Variants in TCERG1L observed in about 807,000 individuals in gnomAD.
TCERG1L encodes the protein transcription elongation regulator 1 like, also known as transcription elongation regulator 1-like protein.
TCERG1L carries 37 observed loss-of-function variants against 56.3 expected under a neutral mutation model. The observed-to-expected ratio is 0.66, with a 90% CI of 0.51 to 0.87. TCERG1L has a LOEUF of 0.87. TCERG1L is among the 40% of genes least tolerant of loss of function. The pLI is 0.00. For synonymous variants in TCERG1L, 324 were observed against 326.3 expected, an observed-to-expected ratio of 0.99 and a Z score of 0.08; for missense variants, 799 against 774.2, an observed-to-expected ratio of 1.03 and a Z score of -0.38.
chr10:131,153,885 T>C (rs1352021187), intron 6 of TCERG1L, among the ~76,000 whole-genome samples: 1 of 152,156 alleles, frequency 6.6e-6, no homozygotes, highest in Non-Finnish European at 1.5e-5. Context: ...GCCCAGCTCC[T>C]GAGCCCTGGG....
chr10:131,135,797 T>C (rs1845669963), intron 7 of TCERG1L, among the ~76,000 whole-genome samples: 1 of 152,234 alleles, frequency 6.6e-6, no homozygotes, highest in African/African-American at 2.4e-5. Flanking sequence ...GCACACCCTG[T>C]GTGGGTGCTC....
At chr10:131,149,536 T>C (rs1384110454) in intron 6 of TCERG1L, among the ~76,000 whole-genome samples, 1 of 152,238 alleles carries the variant, frequency 6.6e-6, no homozygotes, top group East Asian at 1.9e-4. Context: ...ATATGAACTC[T>C]GCAGACAGCA....
intron 4 of TCERG1L, among the ~76,000 whole-genome samples, chr10:131,227,752 A>C (rs1156881993): frequency 2.0e-5 from 3 of 147,576 alleles, no homozygotes; most frequent in Admixed American, 6.8e-5. Flanking sequence ...TCTTGATTAC[A>C]AAACTGATCA....
chr10:131,264,426 G>A (rs1846265564), intron 3 of TCERG1L, among the ~76,000 whole-genome samples: 1 of 152,210 alleles, frequency 6.6e-6, no homozygotes, highest in Admixed American at 6.5e-5. Flanking sequence ...CAGATACAGA[G>A]AAGCCATACA....
chr10:131,117,046 T>A (rs1482968914), intron 8 of TCERG1L, 112 bp from the exon 9 acceptor site: 3 of 1,357,382 alleles, frequency 2.2e-6, no homozygotes, highest in Non-Finnish European at 2.9e-6. Flanking sequence ...ACAGTCTCCT[T>A]GACAACTCTT....
At chr10:131,106,913 T>C (rs1244834993) in intron 9 of TCERG1L, among the ~76,000 whole-genome samples, 1 of 152,196 alleles carries the variant, frequency 6.6e-6, no homozygotes, top group Non-Finnish European at 1.5e-5. Flanking sequence ...CGAGCTCTTT[T>C]ATTGGGTGGG....
chr10:131,136,343 G>GT (rs1344268265), intron 7 of TCERG1L, among the ~76,000 whole-genome samples: 5 of 151,528 alleles, frequency 3.3e-5, no homozygotes, highest in Non-Finnish European at 5.9e-5. Context: ...GGCATTTCTG[G>GT]TTTTTTTTGA....
intron 8 of TCERG1L, among the ~76,000 whole-genome samples, chr10:131,133,068 C>T (rs11017741): frequency 0.27 from 41,162 of 152,086 alleles, 6,591 homozygotes; most frequent in Non-Finnish European, 0.36. Flanking sequence ...TGCCTATTAT[C>T]GAACCACTCA....
At chr10:131,269,258 C>T (rs538645034) in intron 3 of TCERG1L, among the ~76,000 whole-genome samples, 30 of 152,296 alleles carry the variant, frequency 2.0e-4, no homozygotes, top group African/African-American at 6.7e-4. Context: ...ATGATCTCGG[C>T]TCACTGCAAC....
chr10:131,259,882 T>C lies in TCERG1L; in HGVS notation c.856+377A>G, dbSNP rs142817082. Among the ~76,000 whole-genome samples, 859 of 152,274 alleles carry C rather than the reference T, an allele frequency of 5.6e-3. 8 individuals carry two copies. Among genetic ancestry groups the C allele is most frequent in the African/African-American group, 0.019 (777 of 41,568 alleles). The stretch of plus-strand genomic sequence containing the variant: ...TCTGCGCTCACTCACCAGGCTCCAC[T>C]CCAGCACGCCAGCCTGCACGTCCCG... On this transcript the variant is annotated intron_variant, in intron 4 of 11. Transcript: ENST00000368642.
At chr10:131,246,094 G>A (rs1240021119) in intron 4 of TCERG1L, among the ~76,000 whole-genome samples, 1 of 152,150 alleles carries the variant, frequency 6.6e-6, no homozygotes, top group Non-Finnish European at 1.5e-5. Flanking sequence ...GCCTTGGTTG[G>A]GCACCTCCTG....
At chr10:131,238,431 C>A (rs1032988234) in intron 4 of TCERG1L, among the ~76,000 whole-genome samples, 1 of 152,162 alleles carries the variant, frequency 6.6e-6, no homozygotes, top group Admixed American at 6.5e-5. Context: ...TACCCAGGAG[C>A]CAGCTGCAGG....
intron 4 of TCERG1L, among the ~76,000 whole-genome samples, chr10:131,234,765 G>A (rs190768822): frequency 1.6e-3 from 242 of 152,328 alleles, no homozygotes; most frequent in African/African-American, 5.4e-3. Context: ...GACCAGTAGC[G>A]TGATCTTGGC....
chr10:131,285,528 G>GA (rs1253618853), intron 3 of TCERG1L, among the ~76,000 whole-genome samples: 1,894 of 14,310 alleles, frequency 0.13, 160 homozygotes, highest in Non-Finnish European at 0.18. Flanking sequence ...AAGAAAGAGA[G>GA]AAAGAAAAGA....
At chr10:131,196,844 G>C (rs1489340957) in intron 4 of TCERG1L, among the ~76,000 whole-genome samples, 3 of 152,230 alleles carry the variant, frequency 2.0e-5, no homozygotes, top group African/African-American at 4.8e-5. Flanking sequence ...AGTACAAATT[G>C]ATACCGTATT....
rs1463246233 is a variant in TCERG1L at position 131,260,046 on chromosome 10, G to A, written c.856+213C>T. Among the ~76,000 whole-genome samples the A allele has an allele frequency of 1.3e-5, 2 of 152,202 alleles. No individual in the cohort carries two copies. The highest frequency in any genetic ancestry group is 2.9e-5 in the Non-Finnish European group (2 of 68,048). ...TTGGCTTTACAGCAGGAAGTGCCAG[G>A]GTGGACCTGACAAGGTGGCTCAGTG... On this transcript the variant is annotated intron_variant, in intron 4 of 11. Coordinates refer to ENST00000368642, the MANE Select transcript of TCERG1L (RefSeq NM_174937.4). The surrounding 1 kb of genome is among the most constrained non-coding windows in gnomAD (Gnocchi z 5.8).
At chr10:131,128,411 T>C (rs1290046871) in intron 8 of TCERG1L, among the ~76,000 whole-genome samples, 1 of 152,178 alleles carries the variant, frequency 6.6e-6, no homozygotes, top group African/African-American at 2.4e-5. Flanking sequence ...GGCCTCCACC[T>C]ACATTTTTGT....
intron 4 of TCERG1L, among the ~76,000 whole-genome samples, chr10:131,228,952 C>G (rs531881562): frequency 2.0e-4 from 16 of 79,678 alleles, no homozygotes; most frequent in East Asian, 1.6e-3. Context: ...CCCCTCCAGA[C>G]AGGCATTTCC....
chr10:131,227,736 T>C (rs1351356270), intron 4 of TCERG1L, among the ~76,000 whole-genome samples: 3 of 121,948 alleles, frequency 2.5e-5, no homozygotes, highest in East Asian at 2.7e-4. Flanking sequence ...GAACCCAAGA[T>C]ACACGTCTTG....
Sources: gnomAD v4.1 joint callset for allele counts (sites outside exome capture counted in the v4.1 genomes callset) on GRCh38, gnomAD v4.1.1 for gene constraint, Gnocchi (gnomAD v3.1) non-coding constraint, MANE v1.5 for transcripts, NCBI Gene and HGNC (gene_info 2026-07-23, HGNC 2026-07-21) for gene names.